The following SPATA6L variants were observed in gnomAD, a reference collection of about 807,000 sequenced individuals.
The protein encoded by SPATA6L is spermatogenesis associated 6 like, also known as spermatogenesis associated 6-like protein.
A neutral mutation model predicts 49.2 loss-of-function variants in SPATA6L; 68 were observed. The observed-to-expected ratio is 1.38, with a 90% CI of 1.14 to 1.69. The LOEUF (loss-of-function observed/expected upper bound fraction) is 1.69. Among genes scored for constraint, SPATA6L ranks in the 40% most tolerant of loss-of-function variants. The pLI is 0.00. For synonymous variants in SPATA6L, 198 were observed against 165.7 expected (o/e 1.19, Z -1.50); for missense variants, 668 against 464.3 (o/e 1.44, Z -4.03).
At position 4,598,748 on chromosome 9, in the gene SPATA6L, T is replaced by C. The variant is rs4742013; in HGVS notation, c.*2063A>G. Among the ~76,000 whole-genome samples the C allele has an allele frequency of 0.057, 8,621 of 152,308 alleles. 503 individuals carry two copies. The highest frequency in any genetic ancestry group is 0.31 in the East Asian group (1,608 of 5,182). ...GTAAGCAGCCCTCTCCTGAGACTTA[T>C]AGCGTAACCTTAATGTAACACAATA... is the stretch of plus-strand genomic sequence containing the variant. On this transcript the variant is annotated 3_prime_UTR_variant, in exon 12 of 12. Transcript: ENST00000682582.
At chr9:4,657,797 A>C (rs1472490262) in intron 2 of SPATA6L, among the ~76,000 whole-genome samples, 1 of 152,212 alleles carries the variant, frequency 6.6e-6, no homozygotes, top group Non-Finnish European at 1.5e-5. Flanking sequence ...GCTAAAGATT[A>C]GTTGGCAGTT....
At chr9:4,647,217 C>A (rs544389720) in intron 3 of SPATA6L, among the ~76,000 whole-genome samples, 1 of 152,100 alleles carries the variant, frequency 6.6e-6, no homozygotes, top group Admixed American at 6.6e-5. Flanking sequence ...TATTCAAAAT[C>A]CACTTGTTAT....
chr9:4,634,643 T>A (rs1434191678), intron 4 of SPATA6L, among the ~76,000 whole-genome samples: 1 of 152,220 alleles, frequency 6.6e-6, no homozygotes, highest in African/African-American at 2.4e-5. Flanking sequence ...TGTGGCCTTT[T>A]AAATGGAGAT....
At chr9:4,622,337 A>G in intron 7 of SPATA6L, 71 bp downstream of exon 7, 1 of 904,028 alleles carries the variant, frequency 1.1e-6, no homozygotes, top group South Asian at 1.4e-5. Context: ...ATTCCTCAGA[A>G]TGAAAGAGTA....
At chr9:4,615,457 A>G (rs1827758315) in intron 9 of SPATA6L, among the ~76,000 whole-genome samples, 1 of 152,210 alleles carries the variant, frequency 6.6e-6, no homozygotes, top group Non-Finnish European at 1.5e-5. Flanking sequence ...TTGACTCAGT[A>G]AACATGAGGC....
intron 3 of SPATA6L, among the ~76,000 whole-genome samples, chr9:4,640,590 T>A (rs758703074): frequency 6.6e-6 from 1 of 152,098 alleles, no homozygotes; most frequent in Non-Finnish European, 1.5e-5. Context: ...TTTTTGCTAG[T>A]ATCAAGGATC....
chr9:4,627,671 T>C, intron 5 of SPATA6L: 6 of 1,162,738 alleles, frequency 5.2e-6, no homozygotes, highest in Non-Finnish European at 6.7e-6. Flanking sequence ...GAAATTGGGG[T>C]GAGGGAGGCA....
chr9:4,639,466 CA>C (rs777097798), intron 3 of SPATA6L, among the ~76,000 whole-genome samples: 32 of 152,120 alleles, frequency 2.1e-4, no homozygotes, highest in Non-Finnish European at 4.6e-4. Context: ...TAGACTGAAA[CA>C]GGGTTAGACA....
intron 9 of SPATA6L, among the ~76,000 whole-genome samples, chr9:4,609,318 C>T (rs1306623020): frequency 6.6e-6 from 1 of 151,894 alleles, no homozygotes; most frequent in Non-Finnish European, 1.5e-5. Flanking sequence ...CATTCTGATA[C>T]CAAAGCCTGG....
At position 4,662,948 on chromosome 9, in the gene SPATA6L, C is replaced by G; in HGVS notation, c.40-912G>C. 1 of 1,612,122 alleles carries G rather than the reference C, an allele frequency of 6.2e-7. No homozygotes were observed. The highest frequency in any genetic ancestry group is 8.5e-7 in the Non-Finnish European group (1 of 1,179,946). On this transcript the variant is annotated intron_variant, in intron 1 of 11. Coordinates refer to ENST00000682582, the MANE Select transcript of SPATA6L (RefSeq NM_001353486.2). This position sits in a 1 kb window ranked among gnomAD's most constrained non-coding sequence, Gnocchi z 4.9. ...TCAAAGGGCTGGTCCGCAGGCGCCGCCCGGCCCACAACCAGATGGACATGT... is the reference window on the plus strand; with the variant it reads ...TCAAAGGGCTGGTCCGCAGGCGCCGGCCGGCCCACAACCAGATGGACATGT...
At chr9:4,610,846 C>T (rs1277755122) in intron 9 of SPATA6L, among the ~76,000 whole-genome samples, 1 of 152,008 alleles carries the variant, frequency 6.6e-6, no homozygotes, top group Non-Finnish European at 1.5e-5. Context: ...AAACTACCAT[C>T]AGAGTGAACA....
At position 4,662,666 on chromosome 9, in the gene SPATA6L, C is replaced by T. The variant is rs773562703; in HGVS notation, c.40-630G>A. The T allele has an allele frequency of 6.2e-6, 10 of 1,600,128 alleles. No homozygotes were observed. The highest frequency in any genetic ancestry group is 8.5e-6 in the Non-Finnish European group (10 of 1,179,864). On this transcript the variant is annotated intron_variant, in intron 1 of 11. Coordinates refer to ENST00000682582, the MANE Select transcript of SPATA6L (RefSeq NM_001353486.2). This position sits in a 1 kb window ranked among gnomAD's most constrained non-coding sequence, Gnocchi z 4.9. ...AGGACCGCATGGACTTGAACCCGTC[C>T]TTCCTGGGCATCGCCCTGCGCTCCC...
chr9:4,634,933 G>A (rs1564236422), intron 4 of SPATA6L, among the ~76,000 whole-genome samples: 1 of 152,108 alleles, frequency 6.6e-6, no homozygotes, highest in South Asian at 2.1e-4. Flanking sequence ...AATTGAAAGC[G>A]CAAAATAAAG....
chr9:4,611,707 G>A (rs1418364421), intron 9 of SPATA6L, among the ~76,000 whole-genome samples: 1 of 150,716 alleles, frequency 6.6e-6, no homozygotes, highest in Non-Finnish European at 1.5e-5. Context: ...TAGATGACGA[G>A]TTAGTGGGTG....
chr9:4,596,677 TG>T (rs1822283710), downstream of SPATA6L: 1 of 152,232 alleles, frequency 6.6e-6, no homozygotes, highest in Non-Finnish European at 1.5e-5. Context: ...AGTGGTTAAT[TG>T]TTCCAACTTC....
At chr9:4,647,401 G>C (rs1363083933) in intron 3 of SPATA6L, among the ~76,000 whole-genome samples, 1 of 152,110 alleles carries the variant, frequency 6.6e-6, no homozygotes, top group East Asian at 1.9e-4. Flanking sequence ...AGACCAGCCT[G>C]GCCAACATAG....
chr9:4,647,921 A>G (rs1835793689), intron 3 of SPATA6L, among the ~76,000 whole-genome samples: 1 of 151,206 alleles, frequency 6.6e-6, no homozygotes, highest in Admixed American at 6.6e-5. Context: ...TGCAACCTCT[A>G]CCTTGCAGGT....
In SPATA6L at chr9:4,635,404, A is replaced by G; in HGVS notation, c.227-5T>C. Reference sequence around the variant, plus strand: ...AGTAGGCCAACTCATCCCACACTAGAAAGAAAATAGAAAAAGCATAAATAT... The same window carrying G: ...AGTAGGCCAACTCATCCCACACTAGGAAGAAAATAGAAAAAGCATAAATAT... On this transcript the variant is annotated splice_polypyrimidine_tract_variant and splice_region_variant and intron_variant, in intron 3 of 11. Coordinates refer to ENST00000682582, the MANE Select transcript of SPATA6L (RefSeq NM_001353486.2). 6.4e-7 allele frequency: 1 copy of G among 1,572,916 alleles called. No individual in the cohort carries two copies. Among genetic ancestry groups the G allele is most frequent in the Non-Finnish European group, 8.6e-7 (1 of 1,167,772 alleles).
intron 7 of SPATA6L, among the ~76,000 whole-genome samples, 166 bp downstream of exon 7, chr9:4,622,242 G>A (rs774656950): frequency 2.0e-5 from 3 of 152,318 alleles, no homozygotes; most frequent in East Asian, 1.9e-4. Flanking sequence ...CTCAGCTGAC[G>A]CTGCTTCATG....
Sources: gnomAD v4.1 joint callset for allele counts (sites outside exome capture counted in the v4.1 genomes callset) on GRCh38, gnomAD v4.1.1 for gene constraint, Gnocchi (gnomAD v3.1) non-coding constraint, MANE v1.5 for transcripts, NCBI Gene and HGNC (gene_info 2026-07-23, HGNC 2026-07-21) for gene names.